Variants in MCF2L2 observed in about 807,000 individuals in gnomAD.
MCF2L2 encodes probable guanine nucleotide exchange factor MCF2L2.
In MCF2L2, 102 loss-of-function variants were observed where a neutral mutation model predicts 150.2. The ratio of observed to expected loss-of-function variants is 0.68; its 90% CI spans 0.58 to 0.80. The LOEUF is 0.80. MCF2L2 is among the 30% of genes least tolerant of loss of function. The pLI is 0.00. For missense variants in MCF2L2, 1,256 were observed against 1,372.8 expected, an observed-to-expected ratio of 0.91 and a Z score of 1.34; for synonymous variants, 465 against 491.3, an observed-to-expected ratio of 0.95 and a Z score of 0.71.
At chr3:183,277,890 A>G (rs1229931670) in intron 14 of MCF2L2, among the ~76,000 whole-genome samples, 1 of 151,630 alleles carries the variant, frequency 6.6e-6, no homozygotes, top group Non-Finnish European at 1.5e-5. Flanking sequence ...TCATGTGTCA[A>G]TATATAAAAG....
At chr3:183,249,858 C>A (rs1336889166) in intron 15 of MCF2L2, among the ~76,000 whole-genome samples, 1 of 152,154 alleles carries the variant, frequency 6.6e-6, no homozygotes, top group Non-Finnish European at 1.5e-5. Flanking sequence ...TGCAAAAATT[C>A]AATTCAACCT....
chr3:183,206,311 T>G, intron 23 of MCF2L2, 97 bp from the exon 24 acceptor site: 2 of 902,196 alleles, frequency 2.2e-6, no homozygotes, highest in South Asian at 2.7e-5. Context: ...CCTTGACAGC[T>G]CTCTTCTTTC....
chr3:183,329,729 C>G (rs1730191004), intron 5 of MCF2L2, among the ~76,000 whole-genome samples: 1 of 152,214 alleles, frequency 6.6e-6, no homozygotes, highest in Admixed American at 6.5e-5. Flanking sequence ...TGACAGAGAT[C>G]AATTCTGAGA....
At chr3:183,190,413 G>T (rs959172042) in intron 27 of MCF2L2, among the ~76,000 whole-genome samples, 1 of 152,230 alleles carries the variant, frequency 6.6e-6, no homozygotes, top group Middle Eastern at 3.2e-3. Context: ...CTTCAGTCAG[G>T]TTCCCCAGAA....
chr3:183,287,164 TACA>T lies in MCF2L2; in HGVS notation c.1776+1953_1776+1955del, dbSNP rs758478705. On this transcript the variant is annotated intron_variant, in intron 14 of 29. Transcript: ENST00000328913. ...TCCTACACTGTCTATGTTTCTCTTT[TACA>T]ACAACAACAAAAAAATAGCACTTGT... Among the ~76,000 whole-genome samples the T allele has an allele frequency of 2.0e-5, 3 of 152,314 alleles. No homozygotes were observed. In the South Asian group the frequency reaches 6.2e-4, roughly 32 times the overall value.
intron 7 of MCF2L2, among the ~76,000 whole-genome samples, chr3:183,314,902 CTTTTCTT>C (rs1729534514): frequency 6.1e-3 from 1 of 164 alleles, no homozygotes; most frequent in Non-Finnish European, 0.013. Context: ...CTCTTTTTTT[CTTTTCTT>C]TTTTTTTTTT....
intron 4 of MCF2L2, among the ~76,000 whole-genome samples, chr3:183,340,765 A>G (rs971038704): frequency 1.3e-5 from 2 of 152,102 alleles, no homozygotes; most frequent in Non-Finnish European, 2.9e-5. Flanking sequence ...CAACATGGTG[A>G]AACCCCGTCT....
chr3:183,400,865 T>A (rs1245969475), intron 1 of MCF2L2, among the ~76,000 whole-genome samples: 4 of 150,596 alleles, frequency 2.7e-5, no homozygotes, highest in African/African-American at 9.8e-5. Context: ...AAAAAAAAAA[T>A]AAAAACTTAT....
intron 1 of MCF2L2, among the ~76,000 whole-genome samples, chr3:183,395,531 T>A (rs1714387464): frequency 6.6e-6 from 1 of 152,226 alleles, no homozygotes; most frequent in South Asian, 2.1e-4. Context: ...TATTGAAGTA[T>A]AATTTACATG....
chr3:183,425,764 C>T (rs775873967), intron 1 of MCF2L2, among the ~76,000 whole-genome samples: 3 of 152,124 alleles, frequency 2.0e-5, no homozygotes, highest in Non-Finnish European at 4.4e-5. Flanking sequence ...ACCAATCTGA[C>T]CAACATGGAG....
intron 7 of MCF2L2, among the ~76,000 whole-genome samples, chr3:183,315,605 G>C (rs905484568): frequency 2.0e-5 from 3 of 152,204 alleles, no homozygotes; most frequent in Non-Finnish European, 4.4e-5. Flanking sequence ...AGAAGTCTTA[G>C]CCTCCTTTGC....
chr3:183,257,260 C>G (rs1395088307), intron 15 of MCF2L2, among the ~76,000 whole-genome samples: 1 of 152,140 alleles, frequency 6.6e-6, no homozygotes, highest in Non-Finnish European at 1.5e-5. Context: ...TGGAGAGGCA[C>G]AGTATACATC....
chr3:183,216,570 ATATATATATATTTTTTTTTTTT>A (rs1169641760), intron 21 of MCF2L2, among the ~76,000 whole-genome samples: 4,424 of 26,794 alleles, frequency 0.17, 533 homozygotes, highest in South Asian at 0.2. Context: ...ATATATATAT[ATATATATATATTTTTTTTTTTT>A]TTTTTTTTTT....
intron 2 of MCF2L2, among the ~76,000 whole-genome samples, chr3:183,385,795 C>T (rs1367115655): frequency 1.3e-5 from 2 of 152,222 alleles, no homozygotes; most frequent in African/African-American, 4.8e-5. Flanking sequence ...CTGAGATTCT[C>T]TTGCTGCCAG....
chr3:183,264,749 A>G (rs1368456081), intron 15 of MCF2L2, among the ~76,000 whole-genome samples: 1 of 152,224 alleles, frequency 6.6e-6, no homozygotes, highest in Non-Finnish European at 1.5e-5. Flanking sequence ...TACAACAATC[A>G]GGGATTATTG....
intron 15 of MCF2L2, among the ~76,000 whole-genome samples, chr3:183,233,430 A>G (rs1576945150): frequency 6.6e-6 from 1 of 151,942 alleles, no homozygotes; most frequent in East Asian, 1.9e-4. Flanking sequence ...ATATACATAT[A>G]TATGGTACAT....
intron 5 of MCF2L2, among the ~76,000 whole-genome samples, chr3:183,327,086 G>A (rs904700115): frequency 6.6e-6 from 1 of 152,034 alleles, no homozygotes; most frequent in African/African-American, 2.4e-5. Flanking sequence ...CAGCACTTTG[G>A]GGGGCCGAGG....
intron 15 of MCF2L2, among the ~76,000 whole-genome samples, chr3:183,268,723 C>T (rs1449075863): frequency 2.0e-5 from 3 of 152,140 alleles, no homozygotes; most frequent in Admixed American, 6.5e-5. Flanking sequence ...TCGAGTTAAA[C>T]GGTCTTACCC....
chr3:183,406,513 A>G (rs563822372), intron 1 of MCF2L2, among the ~76,000 whole-genome samples: 1 of 152,030 alleles, frequency 6.6e-6, no homozygotes, highest in Non-Finnish European at 1.5e-5. Context: ...TTTGAGACAG[A>G]GTTTTGCTCT....
Sources: gnomAD v4.1 joint callset for allele counts (sites outside exome capture counted in the v4.1 genomes callset) on GRCh38, gnomAD v4.1.1 for gene constraint, MANE v1.5 for transcripts, NCBI Gene and HGNC (gene_info 2026-07-23, HGNC 2026-07-21) for gene names.